Variants in PRKDC observed in about 807,000 individuals in gnomAD.
PRKDC encodes the protein protein kinase, DNA-activated, catalytic subunit, also known as DNA-dependent protein kinase catalytic subunit.
Under a neutral mutation model 486.9 loss-of-function variants are expected in PRKDC, and 82 were observed. The ratio of observed to expected loss-of-function variants is 0.17; its 90% CI spans 0.14 to 0.20. PRKDC has a LOEUF of 0.20. Ranked by LOEUF, PRKDC falls within the 10% of genes least tolerant of loss-of-function variation. The pLI is 1.00. For synonymous variants in PRKDC, 1,895 were observed against 1,837.0 expected, an observed-to-expected ratio of 1.03 and a Z score of -0.81; for missense variants, 4,504 against 5,038.2, an observed-to-expected ratio of 0.89 and a Z score of 3.21.
chr8:47,889,249 C>T, intron 32 of PRKDC, 27 bp from the exon 33 acceptor site: 7 of 1,549,408 alleles, frequency 4.5e-6, no homozygotes, highest in Non-Finnish European at 6.1e-6. Flanking sequence ...GATAAAAACA[C>T]TTCGTCAGCC....
intron 40 of PRKDC, among the ~76,000 whole-genome samples, chr8:47,869,933 G>A (rs995391872): frequency 6.6e-6 from 1 of 152,022 alleles, no homozygotes; most frequent in African/African-American, 2.4e-5. Flanking sequence ...GTGACCACAG[G>A]CAGAGACTTC....
chr8:47,904,755 T>A (rs900804978), intron 26 of PRKDC, 114 bp downstream of exon 26: 6 of 777,184 alleles, frequency 7.7e-6, no homozygotes, highest in Non-Finnish European at 1.2e-5. Flanking sequence ...ATCGTGCCAC[T>A]GCATTCCAGC....
intron 44 of PRKDC, 53 bp downstream of exon 44, chr8:47,862,009 T>C (rs924666337): frequency 6.6e-5 from 93 of 1,399,542 alleles, no homozygotes; most frequent in Admixed American, 1.9e-4. Flanking sequence ...CATAATATGG[T>C]TTTCTTTGTG....
At chr8:47,855,555 C>T (rs541964507) in intron 49 of PRKDC, among the ~76,000 whole-genome samples, 182 bp from the exon 50 acceptor site, 61 of 152,336 alleles carry the variant, frequency 4.0e-4, no homozygotes, top group African/African-American at 1.4e-3. Context: ...GACCAGGCAC[C>T]GCCGGCGCTG....
intron 61 of PRKDC, 54 bp from the exon 62 acceptor site, chr8:47,828,401 A>C (rs1160022268): frequency 3.6e-6 from 5 of 1,398,766 alleles, no homozygotes; most frequent in Admixed American, 2.3e-5. Flanking sequence ...AAATGCTATA[A>C]ATCACCAATA....
intron 13 of PRKDC, 109 bp from the exon 14 acceptor site, chr8:47,935,167 C>T: frequency 1.3e-6 from 1 of 768,650 alleles, no homozygotes; most frequent in South Asian, 1.9e-5. Flanking sequence ...CTTTACCTCT[C>T]AATTTATTTT....
chr8:47,959,780 T>G (rs2090780800), intron 1 of PRKDC, among the ~76,000 whole-genome samples, 193 bp downstream of exon 1: 1 of 152,168 alleles, frequency 6.6e-6, no homozygotes, highest in Non-Finnish European at 1.5e-5. Flanking sequence ...TAAAATATCT[T>G]TCCTCTAATA....
rs1430704053 is a variant in PRKDC at position 47,774,063 on chromosome 8, A to G, written c.*110T>C. 2 of 1,119,602 alleles carry G rather than the reference A, an allele frequency of 1.8e-6. No individual in the cohort carries two copies. 69.4% of individuals were successfully genotyped at this position (1,119,602 alleles called of 1,614,324 possible). ...ATGCTACGAAACTGTAGCACAAAAG[A>G]CATTTCTCTTTAGTGTTTCAGGAAA... is the stretch of plus-strand genomic sequence containing the variant. On this transcript the variant is annotated 3_prime_UTR_variant, in exon 86 of 86. Coordinates refer to ENST00000314191, the MANE Select transcript of PRKDC (RefSeq NM_006904.7).
At chr8:47,827,228 C>T (rs1394508612) in intron 62 of PRKDC, among the ~76,000 whole-genome samples, 1 of 151,776 alleles carries the variant, frequency 6.6e-6, no homozygotes, top group Non-Finnish European at 1.5e-5. Context: ...GACAGTTTCT[C>T]GTTCCATCAA....
chr8:47,789,593 A>G (rs1431055192), intron 74 of PRKDC, among the ~76,000 whole-genome samples: 1 of 152,152 alleles, frequency 6.6e-6, no homozygotes, highest in Non-Finnish European at 1.5e-5. Flanking sequence ...CCAGGTAAAG[A>G]CGTATCAAAT....
At chr8:47,903,806 T>C (rs975248884) in intron 26 of PRKDC, among the ~76,000 whole-genome samples, 1 of 152,204 alleles carries the variant, frequency 6.6e-6, no homozygotes, top group African/African-American at 2.4e-5. Context: ...AGAAACATTA[T>C]AATGAAAACA....
intron 31 of PRKDC, among the ~76,000 whole-genome samples, chr8:47,892,133 T>C (rs537409151): frequency 2.0e-5 from 3 of 152,202 alleles, no homozygotes; most frequent in African/African-American, 7.2e-5. Context: ...GCCTCCCAAA[T>C]TGCTGGGATT....
At chr8:47,802,168 C>T (rs907821605) in intron 70 of PRKDC, among the ~76,000 whole-genome samples, 2 of 152,184 alleles carry the variant, frequency 1.3e-5, no homozygotes, top group African/African-American at 4.8e-5. Context: ...CCTCGAACTC[C>T]TGATCTCAAG....
rs916908420 is a variant in PRKDC at position 47,885,890 on chromosome 8, TCAAA to T, written c.4776+50_4776+53del. 89 of 1,552,634 alleles carry T rather than the reference TCAAA, an allele frequency of 5.7e-5. No individual in the cohort carries two copies. The East Asian group carries it at 7.6e-4, about 13-fold the overall frequency. ...CTGGGCGAAAGTGCAAGACTCTGTC[TCAAA>T]CAAACAAACAAACAAAAAAAACAGT... On this transcript the variant is annotated intron_variant, in intron 36 of 85. Transcript: ENST00000314191.
In PRKDC at chr8:47,783,728, A is replaced by G. The variant is rs764415768; in HGVS notation, c.11175+14T>C. 6.2e-7 allele frequency: 1 copy of G among 1,613,606 alleles called. No homozygotes were observed. The highest frequency in any genetic ancestry group is 8.5e-7 in the Non-Finnish European group (1 of 1,179,720). On this transcript the variant is annotated intron_variant, in intron 78 of 85. Coordinates refer to ENST00000314191, the MANE Select transcript of PRKDC (RefSeq NM_006904.7). Reference sequence around the variant, plus strand: ...CATCAGGACAGGGACTGGGTCACACACCCTCACACCTACCCGCTCATCAAA... The same window carrying G: ...CATCAGGACAGGGACTGGGTCACACGCCCTCACACCTACCCGCTCATCAAA...
chr8:47,832,889 C>T (rs1003948319), intron 59 of PRKDC, among the ~76,000 whole-genome samples: 1 of 152,194 alleles, frequency 6.6e-6, no homozygotes, highest in Non-Finnish European at 1.5e-5. Flanking sequence ...GAGAAGATCC[C>T]GAGAGCATCC....
chr8:47,925,775 C>T (rs1286281558), intron 21 of PRKDC, among the ~76,000 whole-genome samples: 1 of 152,166 alleles, frequency 6.6e-6, no homozygotes, highest in Non-Finnish European at 1.5e-5. Flanking sequence ...AAAACATGCA[C>T]AAACACACAA....
At chr8:47,836,622 G>A (rs1233114365) in intron 57 of PRKDC, 95 bp from the exon 58 acceptor site, 6 of 1,116,842 alleles carry the variant, frequency 5.4e-6, no homozygotes, top group Non-Finnish European at 7.7e-6. Flanking sequence ...AAATCTAATG[G>A]TACCATCAGC....
intron 7 of PRKDC, among the ~76,000 whole-genome samples, chr8:47,949,591 G>C (rs1334299228): frequency 6.6e-6 from 1 of 152,182 alleles, no homozygotes; most frequent in Non-Finnish European, 1.5e-5. Flanking sequence ...CAGGGTCAAA[G>C]GAGAGAATTA....
Sources: gnomAD v4.1 joint callset for allele counts (sites outside exome capture counted in the v4.1 genomes callset) on GRCh38, gnomAD v4.1.1 for gene constraint, MANE v1.5 for transcripts, NCBI Gene and HGNC (gene_info 2026-07-23, HGNC 2026-07-21) for gene names.